ATP8A2: variants seen among roughly 807,000 people sequenced by gnomAD.
The protein encoded by ATP8A2 is phospholipid-transporting ATPase IB.
A neutral mutation model predicts 165.6 loss-of-function variants in ATP8A2; 100 were observed. That is an observed-to-expected ratio of 0.60 (90% CI 0.51 to 0.71). The LOEUF is 0.71. Among genes scored for constraint, ATP8A2 ranks in the 30% least tolerant of loss-of-function variants. ATP8A2 has a pLI of 0.00. For missense variants in ATP8A2, 1,227 were observed against 1,479.5 expected, an observed-to-expected ratio of 0.83 and a Z score of 2.80; for synonymous variants, 543 against 548.8, an observed-to-expected ratio of 0.99 and a Z score of 0.15.
intron 1 of ATP8A2, among the ~76,000 whole-genome samples, chr13:25,386,729 G>A (rs914404789): frequency 2.0e-5 from 3 of 152,146 alleles, no homozygotes; most frequent in Non-Finnish European, 4.4e-5. Flanking sequence ...GGGCACGGAG[G>A]CTCACGCCTG....
chr13:25,880,766 A>T (rs1026813534), intron 33 of ATP8A2: 17 of 370,506 alleles, frequency 4.6e-5, no homozygotes, highest in Non-Finnish European at 2.7e-5. Context: ...AAAGCTATTC[A>T]GCATAAGTTA....
intron 1 of ATP8A2, among the ~76,000 whole-genome samples, chr13:25,455,066 G>T (rs781109545): frequency 6.6e-6 from 1 of 152,218 alleles, no homozygotes; most frequent in Non-Finnish European, 1.5e-5. Context: ...TTTGTCTGTA[G>T]TTTGCATGGA....
Position 25,774,418 on chromosome 13 carries a change from G to C in ATP8A2, c.2569-431G>C, listed in dbSNP as rs555532689. On this transcript the variant is annotated intron_variant, in intron 26 of 36. Coordinates refer to ENST00000381655, the MANE Select transcript of ATP8A2 (RefSeq NM_016529.6). ...ACACTGGGGCCTGTTGGGGAGGCAGGGGGAGGGAGGGCATCAGATTAAATA... is the reference window on the plus strand; with the variant it reads ...ACACTGGGGCCTGTTGGGGAGGCAGCGGGAGGGAGGGCATCAGATTAAATA... 3.9e-5 allele frequency among the ~76,000 whole-genome samples: 6 copies of C among 152,232 alleles called. No homozygotes were observed. The South Asian group carries it at 1.2e-3, about 32-fold the overall frequency.
At chr13:25,617,555 A>T (rs2040858103) in intron 24 of ATP8A2, among the ~76,000 whole-genome samples, 1 of 152,166 alleles carries the variant, frequency 6.6e-6, no homozygotes, top group South Asian at 2.1e-4. Flanking sequence ...TCATCTGACA[A>T]AACTCTTTTA....
In ATP8A2 at chr13:25,530,573, T is replaced by G; in HGVS notation, c.333T>G (p.Asp111Glu). 6.3e-7 allele frequency: 1 copy of G among 1,576,638 alleles called. No homozygotes were observed. Among genetic ancestry groups the G allele is most frequent in the Non-Finnish European group, 8.7e-7 (1 of 1,155,510 alleles). ...LFIALLQQIPDVSPTGRYTTL... is the reference protein window; with the variant it reads ...LFIALLQQIPEVSPTGRYTTL... ...CTCTTATCTTCCAGCAAATTCCAGATGTATCTCCAACAGGAAGATATACCA... is the reference window on the plus strand; with the variant it reads ...CTCTTATCTTCCAGCAAATTCCAGAGGTATCTCCAACAGGAAGATATACCA... The change falls in exon 4 of 37, where the codon GAT becomes GAG. Residue 111 changes from aspartate (D) to glutamate (E), a missense_variant. This residue lies in a region of ATP8A2 where 356 missense variants were observed against 394.9 expected (regional missense o/e 0.90). Coordinates refer to ENST00000381655, the MANE Select transcript of ATP8A2 (RefSeq NM_016529.6).
chr13:25,866,207 G>A lies in ATP8A2; in HGVS notation c.3183+3799G>A, dbSNP rs141142242. Among the ~76,000 whole-genome samples, 575 of 152,242 alleles carry A rather than the reference G, an allele frequency of 3.8e-3. 4 individuals are homozygous for A. Among genetic ancestry groups the A allele is most frequent in the African/African-American group, 0.013 (533 of 41,528 alleles). On this transcript the variant is annotated intron_variant, in intron 33 of 36. Coordinates refer to ENST00000381655, the MANE Select transcript of ATP8A2 (RefSeq NM_016529.6). ...TTACTTGACCTCTGTTCAAAAGTCC[G>A]GAGACCTGGCTCTGTTCATGCCCCA...
chr13:25,421,603 G>A (rs2034301523), intron 1 of ATP8A2, among the ~76,000 whole-genome samples: 1 of 152,200 alleles, frequency 6.6e-6, no homozygotes, highest in South Asian at 2.1e-4. Context: ...CCAAGGACTG[G>A]GATTACAGGG....
At chr13:25,646,304 C>T (rs762255948) in intron 24 of ATP8A2, among the ~76,000 whole-genome samples, 3 of 151,992 alleles carry the variant, frequency 2.0e-5, no homozygotes, top group African/African-American at 4.8e-5. Context: ...TCTATATGCA[C>T]CCTTGAAAAT....
At chr13:25,754,176 G>C (rs1345642556) in intron 25 of ATP8A2, among the ~76,000 whole-genome samples, 1 of 152,184 alleles carries the variant, frequency 6.6e-6, no homozygotes, top group Non-Finnish European at 1.5e-5. Context: ...TAGCTGGGTT[G>C]TTTAATATAT....
At chr13:25,492,512 G>C (rs976659) in intron 2 of ATP8A2, among the ~76,000 whole-genome samples, 79,935 of 152,018 alleles carry the variant, frequency 0.53, 21,828 homozygotes, top group Middle Eastern at 0.61. Context: ...GGGGACATCA[G>C]CACCCTCAGC....
At chr13:25,962,262 T>A (rs1215542070) in intron 34 of ATP8A2, among the ~76,000 whole-genome samples, 1 of 152,150 alleles carries the variant, frequency 6.6e-6, no homozygotes, top group Non-Finnish European at 1.5e-5. Context: ...GGAAGCTATG[T>A]ATAGGTAAGT....
chr13:25,465,677 TTCTTTCTTTC>T (rs1370504010), intron 1 of ATP8A2, among the ~76,000 whole-genome samples: 28 of 8,296 alleles, frequency 3.4e-3, no homozygotes, highest in African/African-American at 5.4e-3. Flanking sequence ...CTTTCTTTCT[TTCTTTCTTTC>T]TTTCTTTCTT....
intron 2 of ATP8A2, among the ~76,000 whole-genome samples, chr13:25,481,184 G>GGGAGAGGGAGAGA (rs1178305900): frequency 8.2e-6 from 1 of 122,666 alleles, no homozygotes; most frequent in Non-Finnish European, 1.8e-5. Flanking sequence ...AGAGGGAGAG[G>GGGAGAGGGAGAGA]GAGAGGGACA....
At chr13:25,432,413 C>T (rs922884811) in intron 1 of ATP8A2, among the ~76,000 whole-genome samples, 1 of 152,148 alleles carries the variant, frequency 6.6e-6, no homozygotes, top group African/African-American at 2.4e-5. Context: ...GAACAGAAAC[C>T]CCAGCCACTG....
chr13:26,008,641 G>A (rs1042669926), intron 35 of ATP8A2, among the ~76,000 whole-genome samples: 2 of 152,108 alleles, frequency 1.3e-5, no homozygotes, highest in African/African-American at 4.8e-5. Flanking sequence ...CCTATAACCA[G>A]TCATACTAAA....
At chr13:25,647,410 A>G (rs1593130310) in intron 24 of ATP8A2, among the ~76,000 whole-genome samples, 2 of 152,232 alleles carry the variant, frequency 1.3e-5, no homozygotes, top group South Asian at 2.1e-4. Context: ...TTCACTTTGA[A>G]TATATCATCC....
chr13:25,908,326 C>T (rs1229692097), intron 33 of ATP8A2, among the ~76,000 whole-genome samples: 1 of 152,170 alleles, frequency 6.6e-6, no homozygotes, highest in East Asian at 1.9e-4. Flanking sequence ...GTGTGTTGAA[C>T]ATAGTTTCAC....
At chr13:25,531,398 T>TATATATGTTATATATGATA (rs1566230250) in intron 4 of ATP8A2, among the ~76,000 whole-genome samples, 1 of 87,296 alleles carries the variant, frequency 1.1e-5, no homozygotes, top group African/African-American at 6.1e-5. Context: ...ATATATATGA[T>TATATATGTTATATATGATA]TATATATATG....
intron 34 of ATP8A2, among the ~76,000 whole-genome samples, 177 bp from the exon 35 acceptor site, chr13:25,968,398 C>T (rs950384162): frequency 2.6e-5 from 4 of 152,114 alleles, no homozygotes; most frequent in South Asian, 2.1e-4. Context: ...AGGATACTTC[C>T]GGGCTGTGGA....
Sources: gnomAD v4.1 joint callset for allele counts (sites outside exome capture counted in the v4.1 genomes callset) on GRCh38, gnomAD v4.1.1 for gene constraint, gnomAD v4.1.1 regional missense constraint, MANE v1.5 for transcripts, NCBI Gene and HGNC (gene_info 2026-07-23, HGNC 2026-07-21) for gene names.